EYS: variants seen among roughly 807,000 people sequenced by gnomAD.
EYS encodes protein eyes shut homolog.
In EYS, 250 loss-of-function variants were observed where a neutral mutation model predicts 282.1. The ratio of observed to expected loss-of-function variants is 0.89; its 90% CI spans 0.80 to 0.98. The LOEUF is 0.98. Among genes scored for constraint, EYS ranks in the 50% least tolerant of loss-of-function variants. The pLI, the probability that EYS is intolerant of heterozygous loss-of-function variation, is 0.00. For synonymous variants in EYS, 1,355 were observed against 1,282.9 expected (o/e 1.06, Z -1.20); for missense variants, 4,016 against 3,709.0 (o/e 1.08, Z -2.15).
At chr6:64,705,434 A>T (rs1770970419) in intron 22 of EYS, among the ~76,000 whole-genome samples, 1 of 152,122 alleles carries the variant, frequency 6.6e-6, no homozygotes, top group African/African-American at 2.4e-5. Flanking sequence ...TGCAATGCCC[A>T]TCAAAATACC....
intron 5 of EYS, among the ~76,000 whole-genome samples, chr6:65,482,744 G>GT (rs1765651782): frequency 6.6e-6 from 1 of 152,172 alleles, no homozygotes. Flanking sequence ...GGTAGCTGAA[G>GT]TTACCATCAT....
chr6:65,574,556 A>G (rs1453967979), intron 2 of EYS, among the ~76,000 whole-genome samples: 1 of 152,176 alleles, frequency 6.6e-6, no homozygotes, highest in Non-Finnish European at 1.5e-5. Context: ...ATAATGATAA[A>G]TGTATTAATT....
rs528599124 is a variant in EYS, at chr6:63,954,208, T to A, written c.7055+30175A>T. ...ATTTCCCCATATTTCCTTCTTTCCT[T>A]TTCCTCACCCTGATCACATTTGGTT... On this transcript the variant is annotated intron_variant, in intron 35 of 42. Coordinates refer to ENST00000503581, the MANE Select transcript of EYS (RefSeq NM_001142800.2). 2.6e-5 allele frequency among the ~76,000 whole-genome samples: 4 copies of A among 152,294 alleles called. No homozygotes were observed. The East Asian group carries it at 7.7e-4, about 29-fold the overall frequency.
At chr6:65,148,504 T>G (rs1179222600) in intron 12 of EYS, among the ~76,000 whole-genome samples, 1 of 152,152 alleles carries the variant, frequency 6.6e-6, no homozygotes, top group East Asian at 1.9e-4. Flanking sequence ...TCTGTGGCTT[T>G]TCAGGGTACC....
intron 35 of EYS, among the ~76,000 whole-genome samples, chr6:63,949,195 G>C (rs1429179684): frequency 6.6e-6 from 1 of 152,138 alleles, no homozygotes; most frequent in African/African-American, 2.4e-5. Flanking sequence ...TAAGGGTAGT[G>C]AAGTGTCTAT....
At chr6:64,393,347 A>T (rs1296596049) in intron 28 of EYS, among the ~76,000 whole-genome samples, 3 of 152,232 alleles carry the variant, frequency 2.0e-5, no homozygotes, top group Non-Finnish European at 2.9e-5. Context: ...ATTTTAGACC[A>T]ATATCCTTGA....
At chr6:64,758,049 C>A (rs1773014621) in intron 22 of EYS, among the ~76,000 whole-genome samples, 1 of 152,176 alleles carries the variant, frequency 6.6e-6, no homozygotes, top group South Asian at 2.1e-4. Flanking sequence ...GCTGGGATTA[C>A]AGGCGTGAGC....
At chr6:65,541,744 C>A (rs1768175680) in intron 2 of EYS, among the ~76,000 whole-genome samples, 1 of 151,956 alleles carries the variant, frequency 6.6e-6, no homozygotes. Context: ...ATGGTCAGAT[C>A]TTGTATGCTG....
chr6:64,762,454 G>C (rs550980345), intron 22 of EYS, among the ~76,000 whole-genome samples: 20 of 152,272 alleles, frequency 1.3e-4, no homozygotes, highest in African/African-American at 4.8e-4. Context: ...TGCTTGTTAT[G>C]TTTCTCTGAA....
chr6:64,677,142 T>A (rs1769718364), intron 22 of EYS, among the ~76,000 whole-genome samples: 2 of 152,150 alleles, frequency 1.3e-5, no homozygotes, highest in South Asian at 4.1e-4. Flanking sequence ...ACAATATTAA[T>A]CATAAATATT....
At chr6:65,112,485 T>C (rs537824114) in intron 12 of EYS, among the ~76,000 whole-genome samples, 5 of 152,164 alleles carry the variant, frequency 3.3e-5, no homozygotes, top group African/African-American at 9.6e-5. Context: ...AAAAACAAAA[T>C]CAAATTCCTC....
chr6:64,521,889 A>C (rs1157295633), intron 26 of EYS, among the ~76,000 whole-genome samples: 1 of 151,820 alleles, frequency 6.6e-6, no homozygotes, highest in Admixed American at 6.6e-5. Flanking sequence ...GGCTCTGAGC[A>C]CAAGGAGTGA....
chr6:63,937,345 C>CTTTTTTTTTTTTTTTTTTTTTTTTT (rs778809745), intron 35 of EYS, among the ~76,000 whole-genome samples: 3 of 54,498 alleles, frequency 5.5e-5, no homozygotes, highest in Non-Finnish European at 7.0e-5. Context: ...TCTCTCTTTT[C>CTTTTTTTTTTTTTTTTTTTTTTTTT]TTTTTTTTTT....
At chr6:65,486,626 G>A (rs772671636) in intron 5 of EYS, among the ~76,000 whole-genome samples, 24 of 152,118 alleles carry the variant, frequency 1.6e-4, no homozygotes, top group Non-Finnish European at 2.5e-4. Flanking sequence ...TTATAACAGT[G>A]CTTTGGAATA....
intron 7 of EYS, among the ~76,000 whole-genome samples, 163 bp from the exon 8 acceptor site, chr6:65,384,663 T>C (rs1424304005): frequency 6.6e-6 from 1 of 151,932 alleles, no homozygotes; most frequent in Non-Finnish European, 1.5e-5. Context: ...CTCCTATTTA[T>C]GTATTTGGAA....
At chr6:64,383,934 A>T (rs896203290) in intron 29 of EYS, among the ~76,000 whole-genome samples, 6 of 152,360 alleles carry the variant, frequency 3.9e-5, no homozygotes, top group African/African-American at 1.4e-4. Context: ...AGGTGCCACT[A>T]GATACATATA....
intron 13 of EYS, among the ~76,000 whole-genome samples, chr6:65,013,113 G>A (rs181790030): frequency 1.3e-5 from 2 of 152,088 alleles, no homozygotes; most frequent in African/African-American, 4.8e-5. Flanking sequence ...AAGTTCCCAT[G>A]CATACCCTTT....
intron 2 of EYS, among the ~76,000 whole-genome samples, chr6:65,511,562 C>G (rs1295471731): frequency 6.6e-6 from 1 of 152,062 alleles, no homozygotes; most frequent in Non-Finnish European, 1.5e-5. Flanking sequence ...CTGCCCTAAC[C>G]TAGATTAGGT....
intron 33 of EYS, among the ~76,000 whole-genome samples, chr6:64,051,612 A>T (rs1770812735): frequency 6.6e-6 from 1 of 152,130 alleles, no homozygotes; most frequent in South Asian, 2.1e-4. Context: ...TTTTAAAATT[A>T]AGATTCTGTG....
Sources: gnomAD v4.1 joint callset for allele counts (sites outside exome capture counted in the v4.1 genomes callset) on GRCh38, gnomAD v4.1.1 for gene constraint, MANE v1.5 for transcripts, NCBI Gene and HGNC (gene_info 2026-07-23, HGNC 2026-07-21) for gene names.